Variants in IL22RA1 observed in about 807,000 individuals in gnomAD.
IL22RA1 encodes the protein interleukin 22 receptor subunit alpha 1, also known as interleukin-22 receptor subunit alpha-1.
A neutral mutation model predicts 32.8 loss-of-function variants in IL22RA1; 25 were observed. The ratio of observed to expected loss-of-function variants is 0.76; its 90% CI spans 0.55 to 1.06. The LOEUF is 1.06. IL22RA1 is among the 50% of genes least tolerant of loss of function. The probability of loss-of-function intolerance (pLI) is 0.00; values close to 1 mark genes in which losing one functional copy is unlikely to be tolerated. For synonymous variants in IL22RA1, 305 were observed against 305.0 expected (o/e 1.00, Z 0.00); for missense variants, 709 against 727.4 (o/e 0.97, Z 0.29).
chr1:24,137,447 A>C, intron 2 of IL22RA1, 138 bp from the exon 3 acceptor site: 1 of 664,054 alleles, frequency 1.5e-6, no homozygotes, highest in African/African-American at 1.8e-5. Context: ...GAATGATCTC[A>C]TTTTGTTCTC....
Position 24,143,083 on chromosome 1 carries a change from C to T in IL22RA1, c.-1G>A, listed in dbSNP as rs752544244. ...TCAAGATGGTCAGCAGCGTCCTCAT[C>T]GGGGCTGGCACAGAGCCCTCCCTTG... On this transcript the variant is annotated 5_prime_UTR_variant, in exon 1 of 7. Transcript: ENST00000270800. 11 of 1,586,724 alleles carry T rather than the reference C, an allele frequency of 6.9e-6. No homozygotes were observed. Among genetic ancestry groups the T allele is most frequent in the South Asian group, 1.1e-5 (1 of 90,180 alleles).
intron 5 of IL22RA1, among the ~76,000 whole-genome samples, chr1:24,123,973 C>T (rs1241877999): frequency 6.6e-6 from 1 of 152,178 alleles, no homozygotes; most frequent in African/African-American, 2.4e-5. Context: ...GAAGTACCCC[C>T]AAAAGAGGAC....
At chr1:24,138,490 G>A in intron 2 of IL22RA1, 92 bp downstream of exon 2, 1 of 1,413,322 alleles carries the variant, frequency 7.1e-7, no homozygotes, top group Non-Finnish European at 9.9e-7. Context: ...GTCCTGGTGG[G>A]GACATGGGAA....
intron 5 of IL22RA1, among the ~76,000 whole-genome samples, chr1:24,127,431 C>T (rs990595346): frequency 4.6e-5 from 7 of 151,942 alleles, no homozygotes; most frequent in Non-Finnish European, 7.4e-5. Context: ...CTTGCCTCAG[C>T]CTTCTGTGTA....
intron 2 of IL22RA1, 118 bp downstream of exon 2, chr1:24,138,464 G>T: frequency 9.7e-7 from 1 of 1,032,454 alleles, no homozygotes; most frequent in Non-Finnish European, 1.4e-6. Context: ...TATCTGGGAG[G>T]GGCTATGTGA....
chr1:24,127,139 T>A (rs1000975510), intron 5 of IL22RA1, among the ~76,000 whole-genome samples: 1 of 151,992 alleles, frequency 6.6e-6, no homozygotes, highest in Non-Finnish European at 1.5e-5. Flanking sequence ...GAGCCGAGAT[T>A]GTGCCACTGC....
chr1:24,122,860 A>G (rs561003599), intron 6 of IL22RA1, among the ~76,000 whole-genome samples: 5 of 152,300 alleles, frequency 3.3e-5, no homozygotes, highest in Admixed American at 1.3e-4. Flanking sequence ...AGATTCCACA[A>G]TATAATCTGA....
At chr1:24,141,947 AG>A (rs1313228267) in intron 1 of IL22RA1, among the ~76,000 whole-genome samples, 1 of 152,186 alleles carries the variant, frequency 6.6e-6, no homozygotes, top group African/African-American at 2.4e-5. Context: ...TGGGGGGGTG[AG>A]GGCCCGGTGT....
intron 6 of IL22RA1, among the ~76,000 whole-genome samples, chr1:24,122,414 G>A (rs1644131369): frequency 1.3e-5 from 2 of 151,930 alleles, no homozygotes; most frequent in Non-Finnish European, 2.9e-5. Context: ...GGTGGGGGGT[G>A]GTTCTGGTCT....
chr1:24,136,338 C>G (rs897869679), intron 3 of IL22RA1, among the ~76,000 whole-genome samples: 1 of 152,198 alleles, frequency 6.6e-6, no homozygotes, highest in African/African-American at 2.4e-5. Context: ...AGTTCTAGAG[C>G]TCACATTTTA....
intron 1 of IL22RA1, 83 bp from the exon 2 acceptor site, chr1:24,138,797 C>A: frequency 6.7e-7 from 1 of 1,497,072 alleles, no homozygotes. Context: ...AGTCCTGCCC[C>A]ATATAAATTT....
intron 5 of IL22RA1, among the ~76,000 whole-genome samples, chr1:24,123,955 C>T (rs1406040587): frequency 6.6e-6 from 1 of 152,230 alleles, no homozygotes; most frequent in Non-Finnish European, 1.5e-5. Context: ...AGTGTCTGCC[C>T]TCATGAGGAA....
chr1:24,121,377 C>A lies in IL22RA1; in HGVS notation c.1153G>T (p.Val385Phe). 5 of 1,571,428 alleles carry A rather than the reference C, an allele frequency of 3.2e-6. No individual in the cohort carries two copies. The highest frequency in any genetic ancestry group is 1.2e-5 in the South Asian group (1 of 83,576). Residue 385 changes from valine (V) to phenylalanine (F), a missense_variant, in exon 7 of 7, where the codon GTC (valine) becomes TTC (phenylalanine). Physicochemically the swap from Val to Phe is conservative, Grantham distance 50. Transcript: ENST00000270800. ...TGAGGGGCATAGGAGGAAGGCTGGA[C>A]CTTAGAGATGGCCTGTGGGGCGTAG... Reference protein sequence around the residue: ...PFYAPQAISKVQPSSYAPQAT... With the variant: ...PFYAPQAISKFQPSSYAPQAT...
intron 4 of IL22RA1, among the ~76,000 whole-genome samples, chr1:24,132,072 C>T (rs1393286739): frequency 2.0e-5 from 3 of 152,284 alleles, no homozygotes; most frequent in African/African-American, 7.2e-5. Flanking sequence ...AATTCGTCCC[C>T]TCCACCACCC....
At chr1:24,142,948 A>C (rs1042716075) in intron 1 of IL22RA1, 92 bp downstream of exon 1, 1 of 1,229,832 alleles carries the variant, frequency 8.1e-7, no homozygotes, top group African/African-American at 1.5e-5. Flanking sequence ...GAAACTGGCT[A>C]TGCTCGGGCT....
At chr1:24,132,661 T>C (rs1220563602) in intron 4 of IL22RA1, among the ~76,000 whole-genome samples, 7 of 151,798 alleles carry the variant, frequency 4.6e-5, no homozygotes, top group Admixed American at 2.0e-4. Context: ...CTGTTTTACA[T>C]GTCTTTATGC....
chr1:24,121,176 A>C lies in IL22RA1; in HGVS notation c.1354T>G (p.Ser452Ala). Residue 452 changes from serine to alanine, a missense_variant, in exon 7 of 7, where the codon TCC (serine) becomes GCC (alanine). By Grantham distance (99) the Ser-to-Ala change is moderately conservative (BLOSUM62 1). Transcript: ENST00000270800. ...LGGLSLQEVT[S>A]LAMEESQEAK... The stretch of plus-strand genomic sequence containing the variant: ...TCTTGGGATTCCTCCATAGCCAAGG[A>C]GGTCACCTCCTGCAGAGAAAGGCCA... 1.2e-6 allele frequency: 2 copies of C among 1,614,182 alleles called. No individual in the cohort carries two copies. The highest frequency in any genetic ancestry group is 1.7e-6 in the Non-Finnish European group (2 of 1,180,022).
At chr1:24,133,049 C>T (rs1454819354) in intron 4 of IL22RA1, among the ~76,000 whole-genome samples, 1 of 151,428 alleles carries the variant, frequency 6.6e-6, no homozygotes, top group Non-Finnish European at 1.5e-5. Flanking sequence ...CCTCACAAGG[C>T]CGTGGTGAAG....
chr1:24,120,974 G>A lies in IL22RA1; in HGVS notation c.1556C>T (p.Pro519Leu). Residue 519 changes from proline (P) to leucine (L), a missense_variant, in exon 7 of 7, where the codon CCA becomes CTA. Pro to Leu is a moderately conservative substitution (Grantham distance 98). Transcript: ENST00000270800. ...TGGACCTTGGTCCGAGGGGGAACATGGACGGGAAGGAGGTTGCAAAGGGAG... is the reference window on the plus strand; with the variant it reads ...TGGACCTTGGTCCGAGGGGGAACATAGACGGGAAGGAGGTTGCAAAGGGAG... ...MSLPLQPPSR[P>L]CSPSDQGPSP... The A allele has an allele frequency of 3.7e-6, 6 of 1,614,124 alleles. No individual in the cohort carries two copies. Among genetic ancestry groups the A allele is most frequent in the Non-Finnish European group, 5.1e-6 (6 of 1,179,964 alleles).
Sources: allele counts gnomAD v4.1 joint callset (sites outside exome capture counted in the v4.1 genomes callset), GRCh38; gene constraint gnomAD v4.1.1; transcripts MANE v1.5; gene names NCBI Gene and HGNC (gene_info 2026-07-23, HGNC 2026-07-21).